The following SLC35F2 variants were observed in gnomAD, a reference collection of about 807,000 sequenced individuals.
The protein encoded by SLC35F2 is solute carrier family 35 member F2, also known as queuine/queuosine transporter SLC35F2.
SLC35F2 carries 25 observed loss-of-function variants against 38.1 expected under a neutral mutation model. That is an observed-to-expected ratio of 0.66 (90% confidence interval 0.48 to 0.92). The LOEUF (loss-of-function observed/expected upper bound fraction) is 0.92, where lower values mean the gene tolerates loss of function less well. SLC35F2 is among the 40% of genes least tolerant of loss of function. The pLI is 0.00. For missense variants in SLC35F2, 409 were observed against 452.9 expected (o/e 0.90, Z 0.88); for synonymous variants, 173 against 181.7 (o/e 0.95, Z 0.38).
At chr11:107,817,820 G>A (rs372411745) in intron 1 of SLC35F2, among the ~76,000 whole-genome samples, 2 of 151,246 alleles carry the variant, frequency 1.3e-5, no homozygotes, top group East Asian at 2.0e-4. Context: ...GCAACTTTCG[G>A]AGGCTGAGGC....
chr11:107,842,054 A>G (rs1860019625), intron 1 of SLC35F2, among the ~76,000 whole-genome samples: 1 of 151,642 alleles, frequency 6.6e-6, no homozygotes, highest in African/African-American at 2.4e-5. Flanking sequence ...TGAAAGAACA[A>G]GACTTCGTCT....
chr11:107,849,366 C>CG (rs1860140774), intron 1 of SLC35F2, among the ~76,000 whole-genome samples: 1 of 151,996 alleles, frequency 6.6e-6, no homozygotes, highest in Non-Finnish European at 1.5e-5. Flanking sequence ...AGGCCAGGTG[C>CG]GGTGGCTCAC....
intron 1 of SLC35F2, among the ~76,000 whole-genome samples, chr11:107,821,898 A>G (rs2134806142): frequency 6.6e-6 from 1 of 152,218 alleles, no homozygotes; most frequent in East Asian, 1.9e-4. Flanking sequence ...GAGTAAGGTC[A>G]CTTCCAACCA....
At chr11:107,818,133 A>AAAGAAAGG (rs1491442021) in intron 1 of SLC35F2, among the ~76,000 whole-genome samples, 1 of 147,750 alleles carries the variant, frequency 6.8e-6, no homozygotes, top group African/African-American at 2.5e-5. Context: ...AGAAAGAAAG[A>AAAGAAAGG]AAAAGAAACA....
intron 1 of SLC35F2, among the ~76,000 whole-genome samples, chr11:107,829,124 GAA>G (rs1252104414): frequency 1.7e-5 from 2 of 118,602 alleles, no homozygotes; most frequent in Non-Finnish European, 1.8e-5. Context: ...AGGTCAGTAG[GAA>G]AAAAAAAAAA....
chr11:107,848,648 C>A (rs1167839300), intron 1 of SLC35F2, among the ~76,000 whole-genome samples: 5 of 152,206 alleles, frequency 3.3e-5, no homozygotes, highest in Non-Finnish European at 1.5e-5. Context: ...CTCCCAGCCT[C>A]CAGACTGTGA....
rs192587861 is a variant in SLC35F2 at position 107,832,208 on chromosome 11, C to G, written c.111-16243G>C. The stretch of plus-strand genomic sequence containing the variant: ...AGCAAGTAACCCACTAGGTTATATC[C>G]AGTCACTTTAGTTGTAACTCAGGAT... On this transcript the variant is annotated intron_variant, in intron 1 of 7. Coordinates refer to ENST00000525815, the MANE Select transcript of SLC35F2 (RefSeq NM_017515.5). 4.1e-3 allele frequency among the ~76,000 whole-genome samples: 618 copies of G among 152,274 alleles called. 7 individuals carry two copies. The highest frequency in any genetic ancestry group is 0.013 in the African/African-American group (551 of 41,548).
intron 1 of SLC35F2, among the ~76,000 whole-genome samples, chr11:107,842,061 G>A (rs1477633826): frequency 4.1e-5 from 6 of 148,030 alleles, no homozygotes; most frequent in African/African-American, 7.5e-5. Flanking sequence ...ACAAGACTTC[G>A]TCTCAAAAAA....
chr11:107,799,890 T>G (rs1859279390), intron 7 of SLC35F2, among the ~76,000 whole-genome samples: 1 of 85,974 alleles, frequency 1.2e-5, no homozygotes, highest in South Asian at 3.5e-4. Context: ...TTTGTTTGTT[T>G]TTGTTTTTTT....
intron 1 of SLC35F2, among the ~76,000 whole-genome samples, chr11:107,829,403 A>C (rs1356104589): frequency 1.3e-5 from 2 of 150,350 alleles, no homozygotes. Flanking sequence ...TGGGTGACAG[A>C]GTGAGACTAC....
chr11:107,824,948 G>A (rs1157792949), intron 1 of SLC35F2, among the ~76,000 whole-genome samples: 1 of 152,186 alleles, frequency 6.6e-6, no homozygotes, highest in East Asian at 1.9e-4. Context: ...GCCATTGAGT[G>A]TTTGAAACAT....
intron 1 of SLC35F2, among the ~76,000 whole-genome samples, chr11:107,834,757 GATCATATATACTCAT>G (rs1412475487): frequency 2.0e-5 from 3 of 152,154 alleles, no homozygotes; most frequent in East Asian, 1.9e-4. Context: ...AACTTTATCT[GATCATATATACTCAT>G]ATCATATATA....
intron 1 of SLC35F2, among the ~76,000 whole-genome samples, chr11:107,849,393 C>G (rs2134858309): frequency 6.6e-6 from 1 of 152,184 alleles, no homozygotes; most frequent in African/African-American, 2.4e-5. Flanking sequence ...AATCCCAGCA[C>G]TTTGGGAGGC....
intron 1 of SLC35F2, among the ~76,000 whole-genome samples, chr11:107,819,837 GA>G (rs1859641158): frequency 6.6e-6 from 1 of 152,132 alleles, no homozygotes; most frequent in Non-Finnish European, 1.5e-5. Context: ...ACAGCCCTGA[GA>G]AAAGTACTAT....
chr11:107,858,731 C>T lies in SLC35F2; in HGVS notation c.37G>A (p.Glu13Lys). The T allele has an allele frequency of 7.0e-6, 9 of 1,290,340 alleles. No individual in the cohort carries two copies. The highest frequency in any genetic ancestry group is 3.5e-5 in the South Asian group (1 of 28,390). The allele number at this position is 1,290,340 out of a possible 1,614,324, so 79.9% of individuals were successfully genotyped here. Reference sequence around the variant, plus strand: ...GCCGCCGCTCCCTCCGCGAGGGGCTCTGGGGCGCCGGGGCCCGCTGGCGAG... The same window carrying T: ...GCCGCCGCTCCCTCCGCGAGGGGCTTTGGGGCGCCGGGGCCCGCTGGCGAG... Reference protein sequence around the residue: ...ADSPAGPGAPEPLAEGAAAEF... With the variant: ...ADSPAGPGAPKPLAEGAAAEF... The change falls in exon 1 of 8, where the codon GAG (glutamate) becomes AAG (lysine). Residue 13 changes from glutamate to lysine, a missense_variant. Physicochemically the swap from Glu to Lys is moderately conservative, Grantham distance 56. Transcript: ENST00000525815.
rs1859131309 is a variant in SLC35F2 at position 107,791,500 on chromosome 11, A to C, written c.*1115T>G. ...ACCTGGGACTGAAACTGTGGAGCAC[A>C]TAGCCAGTGTCACAGGCTCCGAGAG... is the stretch of plus-strand genomic sequence containing the variant. On this transcript the variant is annotated 3_prime_UTR_variant, in exon 8 of 8. Coordinates refer to ENST00000525815, the MANE Select transcript of SLC35F2 (RefSeq NM_017515.5). 6.6e-6 allele frequency: 1 copy of C among 152,220 alleles called. No homozygotes were observed. The highest frequency in any genetic ancestry group is 2.4e-5 in the African/African-American group (1 of 41,464). The allele number at this position is 152,220 out of a possible 1,614,324, so 9.4% of individuals were successfully genotyped here.
At chr11:107,844,659 AATAAATAAAT>A (rs1301772684) in intron 1 of SLC35F2, among the ~76,000 whole-genome samples, 6 of 144,762 alleles carry the variant, frequency 4.1e-5, no homozygotes, top group Admixed American at 6.9e-5. Context: ...TAAATAAATA[AATAAATAAAT>A]AAAGTTATTG....
intron 1 of SLC35F2, among the ~76,000 whole-genome samples, chr11:107,840,433 C>T (rs925049253): frequency 6.6e-6 from 1 of 152,136 alleles, no homozygotes; most frequent in Non-Finnish European, 1.5e-5. Context: ...CACTGCCTGC[C>T]CATTGAGGCA....
At chr11:107,827,653 GCAAGAGA>G (rs1859774979) in intron 1 of SLC35F2, among the ~76,000 whole-genome samples, 3 of 151,980 alleles carry the variant, frequency 2.0e-5, no homozygotes, top group African/African-American at 7.2e-5. Flanking sequence ...GAAGGCTGAG[GCAAGAGA>G]ATCACTAGAA....
Sources: gnomAD v4.1 joint callset for allele counts (sites outside exome capture counted in the v4.1 genomes callset) on GRCh38, gnomAD v4.1.1 for gene constraint, MANE v1.5 for transcripts, NCBI Gene and HGNC (gene_info 2026-07-23, HGNC 2026-07-21) for gene names.